The following CDKL4 variants were observed in gnomAD, a reference collection of about 807,000 sequenced individuals.
CDKL4 encodes cyclin-dependent kinase-like 4.
In CDKL4, 44 loss-of-function variants were observed where a neutral mutation model predicts 42.0. That is an observed-to-expected ratio of 1.05 (90% confidence interval 0.82 to 1.35). The LOEUF is 1.35. Among genes scored for constraint, CDKL4 ranks in the 40% most tolerant of loss-of-function variants. The probability of loss-of-function intolerance (pLI) is 0.00; values close to 1 mark genes in which losing one functional copy is unlikely to be tolerated. For synonymous variants in CDKL4, 120 were observed against 121.6 expected (o/e 0.99, Z 0.09); for missense variants, 393 against 369.9 (o/e 1.06, Z -0.51).
At chr2:39,184,620 C>T (rs1187869164) in exon 8 of CDKL4, 2 of 1,611,922 alleles carry the variant, frequency 1.2e-6, no homozygotes, top group African/African-American at 1.3e-5. Flanking sequence ...ACAGGATGAA[C>T]ATCTGAGAAC....
intron 3 of CDKL4, among the ~76,000 whole-genome samples, chr2:39,222,784 G>A (rs1035710322): frequency 6.6e-6 from 1 of 151,824 alleles, no homozygotes; most frequent in African/African-American, 2.4e-5. Context: ...ATAGTTTCAG[G>A]GCCTTGAACA....
At position 39,222,366 on chromosome 2, in the gene CDKL4, G is replaced by C. The variant is rs546206741; in HGVS notation, c.290+3473C>G. Reference sequence around the variant, plus strand: ...GCACTTTGGGAGGCTGAGGCAGGTGGATCACCTGAGGTTAGGAGTTCGAGA... The same window carrying C: ...GCACTTTGGGAGGCTGAGGCAGGTGCATCACCTGAGGTTAGGAGTTCGAGA... On this transcript the variant is annotated intron_variant, in intron 3 of 9. Transcript: ENST00000451199. Among the ~76,000 whole-genome samples the C allele has an allele frequency of 2.0e-5, 3 of 152,282 alleles. No individual in the cohort carries two copies. The South Asian group carries it at 6.2e-4, about 32-fold the overall frequency.
intron 9 of CDKL4, 55 bp downstream of exon 9, chr2:39,179,132 A>C (rs762902521): frequency 1.9e-6 from 3 of 1,570,252 alleles, no homozygotes; most frequent in Non-Finnish European, 2.6e-6. Context: ...AGGCAGACAA[A>C]CAAAAACAAA....
At chr2:39,205,620 C>T (rs1427312270) in intron 4 of CDKL4, among the ~76,000 whole-genome samples, 1 of 151,522 alleles carries the variant, frequency 6.6e-6, no homozygotes, top group African/African-American at 2.4e-5. Context: ...ATTAACCAGG[C>T]GTGGTGGCAG....
At chr2:39,216,566 G>A (rs1483212881) in intron 3 of CDKL4, among the ~76,000 whole-genome samples, 1 of 152,166 alleles carries the variant, frequency 6.6e-6, no homozygotes, top group African/African-American at 2.4e-5. Flanking sequence ...AAATTAGGAG[G>A]CTAATTCAAT....
In CDKL4 at chr2:39,229,367, T is replaced by A; in HGVS notation, c.166A>T (p.Lys56Ter). The A allele has an allele frequency of 6.3e-7, 1 of 1,584,084 alleles. No individual in the cohort carries two copies. Among genetic ancestry groups the A allele is most frequent in the Admixed American group, 1.9e-5 (1 of 53,434 alleles). ...ACATATATATAAAGTTAACTTACCT[T>A]CAACATACGTATTTCTCTTAGTGCT... The change falls in exon 2 of 10, where the codon AAG (lysine) becomes TAG (stop). Residue 56 changes from lysine to a stop codon, truncating the protein, a stop_gained and splice_region_variant. Coordinates refer to ENST00000451199, the Ensembl canonical transcript of CDKL4. LOFTEE classifies it high-confidence loss of function.
At chr2:39,246,562 C>T (rs1264060933), upstream of CDKL4, among the ~76,000 whole-genome samples, 6 of 152,174 alleles carry the variant, frequency 3.9e-5, no homozygotes, top group Non-Finnish European at 8.8e-5. Flanking sequence ...TTCAGGCACC[C>T]GAAACTCTGG....
chr2:39,226,652 C>CTGTAGTGAT, intron 2 of CDKL4, among the ~76,000 whole-genome samples: 1 of 151,716 alleles, frequency 6.6e-6, no homozygotes, highest in East Asian at 1.9e-4. Flanking sequence ...ATCACTACAG[C>CTGTAGTGAT]GATTAGATAA....
At chr2:39,183,162 C>T (rs536939984) in intron 8 of CDKL4, among the ~76,000 whole-genome samples, 3 of 152,188 alleles carry the variant, frequency 2.0e-5, no homozygotes, top group East Asian at 3.9e-4. Context: ...TGCCTGTAGT[C>T]CCAGTTACTT....
At chr2:39,183,595 G>A (rs989842941) in intron 8 of CDKL4, among the ~76,000 whole-genome samples, 1 of 152,142 alleles carries the variant, frequency 6.6e-6, no homozygotes, top group Non-Finnish European at 1.5e-5. Context: ...CTGAGAATTC[G>A]TTGGGCTTGC....
chr2:39,220,032 C>T (rs1164704941), intron 3 of CDKL4, among the ~76,000 whole-genome samples: 1 of 152,106 alleles, frequency 6.6e-6, no homozygotes, highest in Non-Finnish European at 1.5e-5. Context: ...CATGAGATTA[C>T]TAAAACACTG....
intron 8 of CDKL4, among the ~76,000 whole-genome samples, chr2:39,183,404 T>C (rs537676954): frequency 1.3e-5 from 2 of 152,170 alleles, no homozygotes; most frequent in African/African-American, 4.8e-5. Flanking sequence ...GGGTCTTAGG[T>C]TGATACTTAT....
chr2:39,224,670 A>AT (rs1678583579), intron 3 of CDKL4, among the ~76,000 whole-genome samples: 1 of 151,614 alleles, frequency 6.6e-6, no homozygotes, highest in Non-Finnish European at 1.5e-5. Context: ...CACCCAGGTA[A>AT]TTTTTATCTT....
intron 1 of CDKL4, among the ~76,000 whole-genome samples, chr2:39,233,618 C>G (rs1679203953): frequency 6.6e-6 from 1 of 151,718 alleles, no homozygotes; most frequent in African/African-American, 2.4e-5. Context: ...TACTAACAGC[C>G]AAAACCTGCC....
chr2:39,185,422 ATATACATATG>A, intron 7 of CDKL4, among the ~76,000 whole-genome samples: 1 of 20,912 alleles, frequency 4.8e-5, no homozygotes, highest in African/African-American at 8.5e-5. Flanking sequence ...ATACATATAT[ATATACATATG>A]TATATATACA....
intron 5 of CDKL4, among the ~76,000 whole-genome samples, chr2:39,195,907 G>A (rs1676489546): frequency 6.6e-6 from 1 of 152,190 alleles, no homozygotes; most frequent in African/African-American, 2.4e-5. Flanking sequence ...CAGACGGACA[G>A]AGCAGCGTGT....
chr2:39,173,232 ATATT>A (rs889826024), downstream of CDKL4, among the ~76,000 whole-genome samples: 2 of 152,232 alleles, frequency 1.3e-5, no homozygotes, highest in Admixed American at 1.3e-4. Flanking sequence ...AGAGAGATAT[ATATT>A]TAAGATAGCT....
chr2:39,168,881 T>C, the CDKL4 span, among the ~76,000 whole-genome samples: 145,358 of 151,436 alleles, frequency 0.96, 70,081 homozygotes, highest in Non-Finnish European at 1. Flanking sequence ...CTCAGCCTCC[T>C]GAGTAGCTGG....
Position 39,183,910 on chromosome 2 carries a change from A to G in CDKL4, c.792+681T>C, listed in dbSNP as rs989352714. On this transcript the variant is annotated intron_variant, in intron 8 of 9. Transcript: ENST00000451199. ...AGCACTCGCACAAAGGCTGGTCTAC[A>G]AAAGTTGACTCTAGGTCATCCAAAT... Among the ~76,000 whole-genome samples, 4 of 152,184 alleles carry G rather than the reference A, an allele frequency of 2.6e-5. No individual in the cohort carries two copies. The East Asian group carries it at 5.8e-4, about 22-fold the overall frequency.
Sources: allele counts gnomAD v4.1 joint callset (sites outside exome capture counted in the v4.1 genomes callset), GRCh38; gene constraint gnomAD v4.1.1; transcripts MANE v1.5; gene names NCBI Gene and HGNC (gene_info 2026-07-23, HGNC 2026-07-21).